GRIA1: variants seen among roughly 807,000 people sequenced by gnomAD.
The protein encoded by GRIA1 is glutamate ionotropic receptor AMPA type subunit 1, also known as glutamate receptor 1.
Under a neutral mutation model 99.2 loss-of-function variants are expected in GRIA1, and 31 were observed. That is an observed-to-expected ratio of 0.31 (90% CI 0.23 to 0.42). GRIA1 has a LOEUF of 0.42. GRIA1 is among the 10% of genes least tolerant of loss of function. The probability of loss-of-function intolerance (pLI) is 1.00; values close to 1 mark genes in which losing one functional copy is unlikely to be tolerated. For missense variants in GRIA1, 782 were observed against 1,157.5 expected, an observed-to-expected ratio of 0.68 and a Z score of 4.71; for synonymous variants, 438 against 432.4, an observed-to-expected ratio of 1.01 and a Z score of -0.16.
At chr5:153,748,538 G>A (rs1454957183) in intron 11 of GRIA1, among the ~76,000 whole-genome samples, 3 of 152,164 alleles carry the variant, frequency 2.0e-5, no homozygotes, top group Non-Finnish European at 4.4e-5. Flanking sequence ...GAACAACATG[G>A]TCCTACTTAT....
At chr5:153,749,745 G>C (rs1762390015) in intron 11 of GRIA1, among the ~76,000 whole-genome samples, 1 of 151,902 alleles carries the variant, frequency 6.6e-6, no homozygotes, top group Non-Finnish European at 1.5e-5. Flanking sequence ...CTATATCAGA[G>C]AGTGAACCAA....
At chr5:153,598,611 T>TA (rs1290854586) in intron 2 of GRIA1, among the ~76,000 whole-genome samples, 1 of 152,162 alleles carries the variant, frequency 6.6e-6, no homozygotes, top group African/African-American at 2.4e-5. Context: ...TCTTACTTAT[T>TA]AGCCTCCCTT....
At chr5:153,571,056 G>A (rs971548553) in intron 2 of GRIA1, among the ~76,000 whole-genome samples, 3 of 152,120 alleles carry the variant, frequency 2.0e-5, no homozygotes, top group Non-Finnish European at 4.4e-5. Context: ...GATTCTCAAC[G>A]TTAGCACTAC....
chr5:153,508,535 A>C (rs1755757852), intron 2 of GRIA1, among the ~76,000 whole-genome samples: 1 of 152,190 alleles, frequency 6.6e-6, no homozygotes. Context: ...GAGCTAAAGC[A>C]TGCTGAGGAA....
chr5:153,492,715 C>T (rs1049910984), intron 1 of GRIA1, among the ~76,000 whole-genome samples: 1 of 151,926 alleles, frequency 6.6e-6, no homozygotes, highest in African/African-American at 2.4e-5. Context: ...TCTCATGTAT[C>T]TCTGCATATT....
chr5:153,649,440 T>TTTAG (rs147092950), intron 3 of GRIA1, among the ~76,000 whole-genome samples: 10,767 of 146,826 alleles, frequency 0.073, 444 homozygotes, highest in Middle Eastern at 0.11. Context: ...TATTTATTTA[T>TTTAG]TTAGTTAGTT....
At chr5:153,502,880 C>T (rs1581139125) in intron 2 of GRIA1, among the ~76,000 whole-genome samples, 1 of 152,284 alleles carries the variant, frequency 6.6e-6, no homozygotes, top group South Asian at 2.1e-4. Flanking sequence ...GGAACAGAGA[C>T]AGCAAACACA....
intron 2 of GRIA1, among the ~76,000 whole-genome samples, chr5:153,576,939 TGG>T: frequency 9.6e-6 from 1 of 104,410 alleles, no homozygotes; most frequent in Non-Finnish European, 1.8e-5. Context: ...GATGGATGGA[TGG>T]ATGGATGGAT....
At chr5:153,560,473 A>G (rs953557402) in intron 2 of GRIA1, among the ~76,000 whole-genome samples, 9 of 152,136 alleles carry the variant, frequency 5.9e-5, no homozygotes, top group African/African-American at 2.2e-4. Context: ...GGGAGGGACC[A>G]GGTGGGAGGT....
intron 2 of GRIA1, among the ~76,000 whole-genome samples, chr5:153,560,994 G>A (rs754594): frequency 0.097 from 14,699 of 152,128 alleles, 784 homozygotes; most frequent in South Asian, 0.19. Context: ...ATTTTTTTTA[G>A]GTTGATTCCT....
chr5:153,716,553 G>A (rs749467148), intron 11 of GRIA1, among the ~76,000 whole-genome samples: 15 of 152,156 alleles, frequency 9.9e-5, no homozygotes, highest in African/African-American at 1.9e-4. Flanking sequence ...GAGCAGAGGC[G>A]AGCACCCAGG....
intron 11 of GRIA1, among the ~76,000 whole-genome samples, chr5:153,734,288 G>T (rs990233592): frequency 2.6e-5 from 4 of 152,172 alleles, no homozygotes; most frequent in African/African-American, 7.2e-5. Flanking sequence ...ATAAGTATTT[G>T]TTGAATTAGG....
At chr5:153,612,134 G>C (rs1268983416) in intron 2 of GRIA1, among the ~76,000 whole-genome samples, 2 of 152,216 alleles carry the variant, frequency 1.3e-5, no homozygotes, top group Non-Finnish European at 2.9e-5. Flanking sequence ...GCTAAATATT[G>C]ATTCCTATTT....
intron 2 of GRIA1, among the ~76,000 whole-genome samples, chr5:153,637,154 G>T (rs1581378790): frequency 6.6e-6 from 1 of 152,166 alleles, no homozygotes; most frequent in Non-Finnish European, 1.5e-5. Context: ...TAATAAATAA[G>T]AAGAAGAATG....
At chr5:153,708,766 C>G (rs1229604981) in intron 11 of GRIA1, among the ~76,000 whole-genome samples, 1 of 152,106 alleles carries the variant, frequency 6.6e-6, no homozygotes, top group African/African-American at 2.4e-5. Flanking sequence ...GCAGAAATAG[C>G]CAGTGGTTTA....
rs568451263 is a variant in GRIA1, at chr5:153,690,082, C to A, written c.1134+3753C>A. ...GGAGGCCTTATTTAAAACGCAGATT[C>A]CTGGGTCCCAGCCCCTGGGTACTCT... On this transcript the variant is annotated intron_variant, in intron 8 of 15. Coordinates refer to ENST00000285900, the MANE Select transcript of GRIA1 (RefSeq NM_000827.4). 1.5e-4 allele frequency among the ~76,000 whole-genome samples: 23 copies of A among 152,218 alleles called. No individual in the cohort carries two copies. In the South Asian group the frequency reaches 4.8e-3, roughly 32 times the overall value.
rs7713446 is a variant in GRIA1 at position 153,766,749 on chromosome 5, T to C, written c.2022+2117T>C. Among the ~76,000 whole-genome samples, 381 of 152,294 alleles carry C rather than the reference T, an allele frequency of 2.5e-3. 3 individuals carry two copies. The highest frequency in any genetic ancestry group is 8.8e-3 in the African/African-American group (365 of 41,560). On this transcript the variant is annotated intron_variant, in intron 12 of 15. Transcript: ENST00000285900. ...GACACATCTAGTCTAACTGTACCAT[T>C]TTATAGTTGGGAAAACTGAGGCCCA...
chr5:153,594,840 G>A (rs1039224808), intron 2 of GRIA1, among the ~76,000 whole-genome samples: 9 of 151,772 alleles, frequency 5.9e-5, no homozygotes, highest in South Asian at 2.1e-4. Context: ...GGATTACCTG[G>A]CTGCATAGGC....
intron 2 of GRIA1, among the ~76,000 whole-genome samples, chr5:153,597,833 C>A (rs565173283): frequency 7.0e-4 from 97 of 137,720 alleles, no homozygotes; most frequent in South Asian, 2.8e-3. Context: ...CATGGCAAGA[C>A]CCCGTCTCTA....
Sources: gnomAD v4.1 joint callset for allele counts (sites outside exome capture counted in the v4.1 genomes callset) on GRCh38, gnomAD v4.1.1 for gene constraint, MANE v1.5 for transcripts, NCBI Gene and HGNC (gene_info 2026-07-23, HGNC 2026-07-21) for gene names.